The following PHKB variants were observed in gnomAD, a reference collection of about 807,000 sequenced individuals.
The protein encoded by PHKB is phosphorylase kinase regulatory subunit beta, also known as phosphorylase b kinase regulatory subunit beta.
In PHKB, 122 loss-of-function variants were observed where a neutral mutation model predicts 152.1. The ratio of observed to expected loss-of-function variants is 0.80; its 90% CI spans 0.69 to 0.93. The LOEUF (loss-of-function observed/expected upper bound fraction) is 0.93, where lower values mean the gene tolerates loss of function less well. Ranked by LOEUF, PHKB falls within the 40% of genes least tolerant of loss-of-function variation. The pLI is 0.00. For missense variants in PHKB, 1,304 were observed against 1,328.4 expected (o/e 0.98, Z 0.29); for synonymous variants, 436 against 464.9 (o/e 0.94, Z 0.80).
At chr16:47,627,210 G>GT (rs1972726365) in intron 14 of PHKB, among the ~76,000 whole-genome samples, 1 of 152,082 alleles carries the variant, frequency 6.6e-6, no homozygotes, top group South Asian at 2.1e-4. Flanking sequence ...CTTTCCTGTT[G>GT]TGTTTCTATG....
At chr16:47,483,871 T>TA (rs1275440025) in intron 1 of PHKB, among the ~76,000 whole-genome samples, 1 of 152,226 alleles carries the variant, frequency 6.6e-6, no homozygotes, top group African/African-American at 2.4e-5. Flanking sequence ...AGTAAATACT[T>TA]ATTAAGCACT....
intron 6 of PHKB, among the ~76,000 whole-genome samples, chr16:47,528,069 A>C (rs1051711892): frequency 2.6e-5 from 4 of 152,230 alleles, no homozygotes; most frequent in Non-Finnish European, 5.9e-5. Flanking sequence ...GAAATAGAAT[A>C]ATGAAATAGA....
intron 27 of PHKB, among the ~76,000 whole-genome samples, 200 bp downstream of exon 27, chr16:47,689,375 T>C (rs913832371): frequency 1.3e-5 from 2 of 152,230 alleles, no homozygotes; most frequent in East Asian, 1.9e-4. Context: ...TTGCATTGAT[T>C]TGAATTTTAT....
At chr16:47,615,774 A>G (rs927529629) in intron 14 of PHKB, among the ~76,000 whole-genome samples, 2 of 152,194 alleles carry the variant, frequency 1.3e-5, no homozygotes, top group Non-Finnish European at 2.9e-5. Flanking sequence ...TGGATAATGT[A>G]TGTTCGTAAG....
In PHKB at chr16:47,477,581, C is replaced by T. The variant is rs35691326; in HGVS notation, c.76+16155C>T. Among the ~76,000 whole-genome samples, 1,143 of 152,186 alleles carry T rather than the reference C, an allele frequency of 7.5e-3. 19 individuals carry two copies. Among genetic ancestry groups the T allele is most frequent in the African/African-American group, 0.026 (1,081 of 41,528 alleles). ...GTCAAGTCCGAAAAGTTTCAAAATTCAGACTCATAAAATAAATGTAATAAA... is the reference window on the plus strand; with the variant it reads ...GTCAAGTCCGAAAAGTTTCAAAATTTAGACTCATAAAATAAATGTAATAAA... On this transcript the variant is annotated intron_variant, in intron 1 of 30. Transcript: ENST00000323584.
intron 6 of PHKB, among the ~76,000 whole-genome samples, chr16:47,542,268 A>G (rs543811231): frequency 3.3e-5 from 5 of 152,214 alleles, no homozygotes; most frequent in Admixed American, 1.3e-4. Context: ...TCCTTTCCCC[A>G]TTTCTTCTTT....
intron 8 of PHKB, among the ~76,000 whole-genome samples, chr16:47,581,300 A>G (rs1305885657): frequency 1.3e-5 from 2 of 152,054 alleles, no homozygotes; most frequent in South Asian, 4.1e-4. Flanking sequence ...TCTCATCCCA[A>G]CTCCCTCTAG....
chr16:47,606,189 C>T (rs1030393218), intron 13 of PHKB, among the ~76,000 whole-genome samples: 10 of 152,118 alleles, frequency 6.6e-5, no homozygotes, highest in African/African-American at 2.2e-4. Context: ...AAAGATCTTC[C>T]AAGAGTTACT....
chr16:47,501,366 A>G (rs1228438676), intron 3 of PHKB, among the ~76,000 whole-genome samples: 1 of 152,212 alleles, frequency 6.6e-6, no homozygotes, highest in Non-Finnish European at 1.5e-5. Context: ...GAAATACAAC[A>G]GCCAAATGCA....
At chr16:47,635,817 T>C (rs1214513588) in intron 14 of PHKB, among the ~76,000 whole-genome samples, 1 of 152,268 alleles carries the variant, frequency 6.6e-6, no homozygotes, top group African/African-American at 2.4e-5. Flanking sequence ...GCTTAAACTT[T>C]CTGTGCCTCA....
intron 4 of PHKB, among the ~76,000 whole-genome samples, chr16:47,506,193 A>G (rs1056706333): frequency 6.6e-6 from 1 of 152,050 alleles, no homozygotes; most frequent in Admixed American, 6.5e-5. Context: ...CTCAAAAAAA[A>G]AAGAAAAGAA....
chr16:47,568,126 T>C (rs1043342484), intron 7 of PHKB, among the ~76,000 whole-genome samples: 6 of 152,202 alleles, frequency 3.9e-5, no homozygotes, highest in African/African-American at 1.4e-4. Context: ...TTATTTGAAA[T>C]GTCTGGTAGA....
intron 28 of PHKB, among the ~76,000 whole-genome samples, chr16:47,694,594 A>G (rs1974116575): frequency 6.6e-6 from 1 of 152,210 alleles, no homozygotes; most frequent in African/African-American, 2.4e-5. Context: ...AAAAATGCAT[A>G]AAAACTTTTA....
chr16:47,537,151 T>C (rs988052922), intron 6 of PHKB, among the ~76,000 whole-genome samples: 7 of 152,332 alleles, frequency 4.6e-5, no homozygotes, highest in African/African-American at 1.7e-4. Flanking sequence ...ATAGCAGCCT[T>C]CCTGTGGAAT....
intron 1 of PHKB, among the ~76,000 whole-genome samples, chr16:47,467,307 T>G (rs1051816093): frequency 2.0e-5 from 3 of 152,216 alleles, no homozygotes; most frequent in African/African-American, 7.2e-5. Flanking sequence ...ACTCAGAATT[T>G]AATATTAATA....
chr16:47,633,173 C>T (rs1972856403), intron 14 of PHKB, among the ~76,000 whole-genome samples: 1 of 152,128 alleles, frequency 6.6e-6, no homozygotes, highest in Non-Finnish European at 1.5e-5. Context: ...GACATGTACA[C>T]TCTTTTATAG....
rs780885921 is a variant in PHKB at position 47,497,398 on chromosome 16, G to A, written c.77-1G>A. The A allele has an allele frequency of 1.3e-6, 2 of 1,580,690 alleles. No individual in the cohort carries two copies. The highest frequency in any genetic ancestry group is 1.3e-5 in the African/African-American group (1 of 74,386). ...TGATGGGTTTTTATTTTTTCTTTTA[G>A]GCTCAGTTTATGAACCTCTTAAAAG... is the stretch of plus-strand genomic sequence containing the variant. On this transcript the variant is annotated splice_acceptor_variant, in intron 1 of 30. Coordinates refer to ENST00000323584, the MANE Select transcript of PHKB (RefSeq NM_000293.3). LOFTEE classifies it high-confidence loss of function.
intron 26 of PHKB, among the ~76,000 whole-genome samples, chr16:47,679,118 C>T (rs1171646939): frequency 6.6e-6 from 1 of 152,062 alleles, no homozygotes; most frequent in Admixed American, 6.6e-5. Context: ...CTGTTCTGTT[C>T]CATTGGTCTA....
chr16:47,661,936 TG>T, intron 23 of PHKB, 136 bp downstream of exon 23: 1 of 714,214 alleles, frequency 1.4e-6, no homozygotes, highest in Non-Finnish European at 2.5e-6. Flanking sequence ...CACTTTTGAA[TG>T]GAAAATGTTC....
Sources: allele counts gnomAD v4.1 joint callset (sites outside exome capture counted in the v4.1 genomes callset), GRCh38; gene constraint gnomAD v4.1.1; transcripts MANE v1.5; gene names NCBI Gene and HGNC (gene_info 2026-07-23, HGNC 2026-07-21).